The following SDK1 variants were observed in gnomAD, a reference collection of about 807,000 sequenced individuals.
The protein encoded by SDK1 is protein sidekick-1.
SDK1 carries 157 observed loss-of-function variants against 245.5 expected under a neutral mutation model. The ratio of observed to expected loss-of-function variants is 0.64; its 90% CI spans 0.56 to 0.73. SDK1 has a LOEUF of 0.73. Among genes scored for constraint, SDK1 ranks in the 30% least tolerant of loss-of-function variants. SDK1 has a pLI of 0.00. For synonymous variants in SDK1, 1,647 were observed against 1,278.5 expected (o/e 1.29, Z -6.15); for missense variants, 3,583 against 3,002.3 (o/e 1.19, Z -4.52).
chr7:3,910,332 A>G (rs1055969829), intron 5 of SDK1, among the ~76,000 whole-genome samples: 3 of 152,242 alleles, frequency 2.0e-5, no homozygotes, highest in Non-Finnish European at 2.9e-5. Flanking sequence ...TGTCAGGCAC[A>G]TTCTTCAAAC....
At chr7:3,684,530 G>C (rs1162509164) in intron 4 of SDK1, among the ~76,000 whole-genome samples, 2 of 152,188 alleles carry the variant, frequency 1.3e-5, no homozygotes, top group African/African-American at 4.8e-5. Flanking sequence ...CCACTAAAAA[G>C]AGATGCATAG....
At chr7:3,462,536 C>T (rs1052770157) in intron 1 of SDK1, among the ~76,000 whole-genome samples, 15 of 152,184 alleles carry the variant, frequency 9.9e-5, no homozygotes, top group African/African-American at 3.1e-4. Flanking sequence ...GCTCCCATCA[C>T]GTCTATCTAC....
intron 5 of SDK1, among the ~76,000 whole-genome samples, chr7:3,897,882 C>G (rs915645397): frequency 1.1e-4 from 16 of 151,864 alleles, no homozygotes; most frequent in African/African-American, 3.9e-4. Context: ...CTTTTCTTAT[C>G]TTTTCTCTCA....
chr7:3,415,342 G>C (rs1269436847), intron 1 of SDK1, among the ~76,000 whole-genome samples: 1 of 152,120 alleles, frequency 6.6e-6, no homozygotes, highest in Non-Finnish European at 1.5e-5. Flanking sequence ...TTATATAGTG[G>C]AAGAGTGTAT....
At chr7:4,190,488 A>G (rs903245307) in intron 35 of SDK1, among the ~76,000 whole-genome samples, 1 of 152,228 alleles carries the variant, frequency 6.6e-6, no homozygotes, top group Non-Finnish European at 1.5e-5. Flanking sequence ...CCCGGGCGCT[A>G]TCCCACCCTC....
chr7:3,733,432 A>T (rs915259629), intron 4 of SDK1, among the ~76,000 whole-genome samples: 1 of 152,162 alleles, frequency 6.6e-6, no homozygotes, highest in Non-Finnish European at 1.5e-5. Flanking sequence ...GATAATAAGA[A>T]TGCTGTCTTT....
In SDK1 at chr7:3,503,181, A is replaced by G. The variant is rs180761159; in HGVS notation, c.299-115899A>G. 2.8e-3 allele frequency among the ~76,000 whole-genome samples: 419 copies of G among 152,326 alleles called. 1 individual carries two copies. Among genetic ancestry groups the G allele is most frequent in the Admixed American group, 4.9e-3 (75 of 15,298 alleles). On this transcript the variant is annotated intron_variant, in intron 1 of 44. Transcript: ENST00000404826. ...CACAAAATATTTAAATTATACATAA[A>G]TTCAAGGTTTTTAAGAATTTGTCAA... is the stretch of plus-strand genomic sequence containing the variant.
intron 1 of SDK1, among the ~76,000 whole-genome samples, chr7:3,573,256 G>C (rs1780173890): frequency 6.6e-6 from 1 of 152,130 alleles, no homozygotes; most frequent in Non-Finnish European, 1.5e-5. Context: ...GCATTGGTGG[G>C]ACGATGGCTG....
intron 4 of SDK1, among the ~76,000 whole-genome samples, chr7:3,656,258 C>A (rs1271171406): frequency 6.6e-6 from 1 of 152,152 alleles, no homozygotes; most frequent in Non-Finnish European, 1.5e-5. Flanking sequence ...AAGTGAGTCC[C>A]ACTGCTGTTG....
At chr7:3,353,051 C>A (rs1780702069) in intron 1 of SDK1, among the ~76,000 whole-genome samples, 1 of 152,168 alleles carries the variant, frequency 6.6e-6, no homozygotes, top group South Asian at 2.1e-4. Context: ...GTCATTAGTT[C>A]TTTTAAAGTA....
intron 4 of SDK1, among the ~76,000 whole-genome samples, chr7:3,760,291 A>G (rs1780057643): frequency 6.6e-6 from 1 of 152,222 alleles, no homozygotes; most frequent in Non-Finnish European, 1.5e-5. Context: ...AGATGACCAC[A>G]GTTACAAAGC....
At chr7:4,085,889 A>T (rs1781397460) in intron 22 of SDK1, among the ~76,000 whole-genome samples, 1 of 152,194 alleles carries the variant, frequency 6.6e-6, no homozygotes, top group African/African-American at 2.4e-5. Context: ...GGAGGATTTT[A>T]AACTAATTCT....
At chr7:4,038,360 G>A (rs535467222) in intron 17 of SDK1, among the ~76,000 whole-genome samples, 9 of 150,792 alleles carry the variant, frequency 6.0e-5, no homozygotes, top group African/African-American at 1.7e-4. Context: ...TATGACCGGG[G>A]CAAACAATTG....
At chr7:3,700,568 A>T (rs1213356615) in intron 4 of SDK1, among the ~76,000 whole-genome samples, 1 of 152,202 alleles carries the variant, frequency 6.6e-6, no homozygotes, top group African/African-American at 2.4e-5. Flanking sequence ...CAAAAATGCC[A>T]TAGGTATGTC....
chr7:3,519,963 G>C (rs1326157840), intron 1 of SDK1, among the ~76,000 whole-genome samples: 1 of 152,296 alleles, frequency 6.6e-6, no homozygotes, highest in East Asian at 1.9e-4. Flanking sequence ...ATTGGGATTA[G>C]GAGTGATTTT....
chr7:3,768,130 A>G (rs1336042706), intron 4 of SDK1, among the ~76,000 whole-genome samples: 3 of 152,220 alleles, frequency 2.0e-5, no homozygotes, highest in African/African-American at 7.2e-5. Flanking sequence ...TTAACGTGCC[A>G]TTTATTATTC....
intron 5 of SDK1, among the ~76,000 whole-genome samples, chr7:3,844,366 A>G (rs1780226736): frequency 6.6e-6 from 1 of 152,190 alleles, no homozygotes; most frequent in African/African-American, 2.4e-5. Flanking sequence ...CCTAGGGAAA[A>G]CGGGAATTGC....
intron 5 of SDK1, among the ~76,000 whole-genome samples, chr7:3,866,580 C>T (rs1780826139): frequency 6.6e-6 from 1 of 152,122 alleles, no homozygotes; most frequent in Non-Finnish European, 1.5e-5. Flanking sequence ...AGAGGCTCTC[C>T]AGAACAGTGC....
chr7:4,241,763 G>T, intron 42 of SDK1, 30 bp from the exon 43 acceptor site: 2 of 1,613,666 alleles, frequency 1.2e-6, no homozygotes, highest in South Asian at 2.2e-5. Context: ...CCAGTAACAC[G>T]TCTGTTCTCA....
Sources: allele counts gnomAD v4.1 joint callset (sites outside exome capture counted in the v4.1 genomes callset), GRCh38; gene constraint gnomAD v4.1.1; transcripts MANE v1.5; gene names NCBI Gene and HGNC (gene_info 2026-07-23, HGNC 2026-07-21).